The following TNRC6A variants were observed in gnomAD, a reference collection of about 807,000 sequenced individuals.
The protein encoded by TNRC6A is trinucleotide repeat-containing gene 6A protein.
TNRC6A carries 44 observed loss-of-function variants against 221.2 expected under a neutral mutation model. The ratio of observed to expected loss-of-function variants is 0.20; its 90% CI spans 0.16 to 0.26. TNRC6A has a LOEUF of 0.26. Among genes scored for constraint, TNRC6A ranks in the 10% least tolerant of loss-of-function variants. The probability of loss-of-function intolerance (pLI) is 1.00; values close to 1 mark genes in which losing one functional copy is unlikely to be tolerated. For missense variants in TNRC6A, 2,199 were observed against 2,404.4 expected, an observed-to-expected ratio of 0.91 and a Z score of 1.79; for synonymous variants, 847 against 838.5, an observed-to-expected ratio of 1.01 and a Z score of -0.18.
At chr16:24,740,857 G>A (rs2151290213) in intron 2 of TNRC6A, among the ~76,000 whole-genome samples, 1 of 152,222 alleles carries the variant, frequency 6.6e-6, no homozygotes, top group Admixed American at 6.5e-5. Context: ...GTATGCATTT[G>A]ATTATTCTAG....
At chr16:24,703,364 C>T (rs1313689801) in intron 2 of TNRC6A, among the ~76,000 whole-genome samples, 6 of 152,144 alleles carry the variant, frequency 3.9e-5, no homozygotes, top group Admixed American at 2.0e-4. Flanking sequence ...CATGCCATAG[C>T]ATGTGTCAGT....
Position 24,816,835 on chromosome 16 carries a change from A to G in TNRC6A, c.4851A>G (p.Pro1617=). Residue 1617 remains proline (P), a synonymous_variant, in exon 20 of 25, where the codon CCA becomes CCG. Coordinates refer to ENST00000395799, the MANE Select transcript of TNRC6A (RefSeq NM_014494.4). ...NWPPEFRPGE[P]WKGYPNIDPE... Reference sequence around the variant, plus strand: ...TTCCAGAATTTCGTCCTGGTGAGCCATGGAAAGGTTATCCAAACATTGACC... The same window carrying G: ...TTCCAGAATTTCGTCCTGGTGAGCCGTGGAAAGGTTATCCAAACATTGACC... 6.2e-7 allele frequency: 1 copy of G among 1,612,608 alleles called. No homozygotes were observed. Among genetic ancestry groups the G allele is most frequent in the Non-Finnish European group, 8.5e-7 (1 of 1,179,726 alleles).
At chr16:24,655,177 G>A (rs1324108684) in intron 2 of TNRC6A, among the ~76,000 whole-genome samples, 1 of 152,104 alleles carries the variant, frequency 6.6e-6, no homozygotes, top group African/African-American at 2.4e-5. Flanking sequence ...CCAGGAGGTA[G>A]AGGCTATAGT....
intron 2 of TNRC6A, among the ~76,000 whole-genome samples, chr16:24,742,285 G>A (rs1377247693): frequency 6.6e-6 from 1 of 152,170 alleles, no homozygotes; most frequent in Non-Finnish European, 1.5e-5. Context: ...AATTGCTTAA[G>A]GTTACACACG....
chr16:24,781,247 T>C (rs1438112131), intron 5 of TNRC6A, among the ~76,000 whole-genome samples: 3 of 151,778 alleles, frequency 2.0e-5, no homozygotes, highest in African/African-American at 7.3e-5. Context: ...TTTGTAGAGA[T>C]GGGGTTTTGC....
At chr16:24,723,957 C>T (rs1421160179) in intron 2 of TNRC6A, among the ~76,000 whole-genome samples, 2 of 152,166 alleles carry the variant, frequency 1.3e-5, no homozygotes, top group African/African-American at 2.4e-5. Flanking sequence ...CCTAGCTACC[C>T]CACTGCATCT....
chr16:24,757,077 CAAAT>C (rs2057267040), intron 3 of TNRC6A, among the ~76,000 whole-genome samples: 1 of 152,094 alleles, frequency 6.6e-6, no homozygotes, highest in South Asian at 2.1e-4. Flanking sequence ...TTCCCAGAAA[CAAAT>C]GAAGTGTTGT....
intron 6 of TNRC6A, among the ~76,000 whole-genome samples, chr16:24,792,285 T>C (rs759162801): frequency 1.5e-4 from 23 of 152,240 alleles, no homozygotes; most frequent in Non-Finnish European, 2.8e-4. Flanking sequence ...TTTGTGTATT[T>C]AAAACATTTG....
intron 5 of TNRC6A, among the ~76,000 whole-genome samples, chr16:24,779,298 G>T (rs910199159): frequency 2.0e-5 from 3 of 152,192 alleles, no homozygotes; most frequent in Admixed American, 6.5e-5. Context: ...CTGAAGCCTG[G>T]ATTCAATCTC....
intron 2 of TNRC6A, chr16:24,663,861 G>A: frequency 2.2e-6 from 1 of 454,202 alleles, no homozygotes; most frequent in Non-Finnish European, 4.4e-6. Context: ...ACCCGGCATG[G>A]CCCAAGGCCC....
At chr16:24,714,434 G>T (rs989553710) in intron 2 of TNRC6A, among the ~76,000 whole-genome samples, 1 of 144,582 alleles carries the variant, frequency 6.9e-6, no homozygotes, top group South Asian at 2.2e-4. Flanking sequence ...TCAGCCTCCC[G>T]AGTAGCTGGG....
At chr16:24,664,902 G>T in intron 2 of TNRC6A, 1 of 455,802 alleles carries the variant, frequency 2.2e-6, no homozygotes, top group Non-Finnish European at 4.4e-6. Flanking sequence ...CCAGGGTGGT[G>T]GAGAACGGAA....
chr16:24,795,252 G>A lies in TNRC6A; in HGVS notation c.3528+533G>A, dbSNP rs567092918. The stretch of plus-strand genomic sequence containing the variant: ...ATATTCCTAAAGCTGGCTGTACATC[G>A]AAATCCCATGGCATTTGTTAAAAAT... On this transcript the variant is annotated intron_variant, in intron 8 of 24. Coordinates refer to ENST00000395799, the MANE Select transcript of TNRC6A (RefSeq NM_014494.4). Among the ~76,000 whole-genome samples, 79 of 152,216 alleles carry A rather than the reference G, an allele frequency of 5.2e-4. 1 individual carries two copies. The highest frequency in any genetic ancestry group is 8.4e-4 in the Non-Finnish European group (57 of 68,004).
At chr16:24,673,100 G>A (rs181781811) in intron 2 of TNRC6A, among the ~76,000 whole-genome samples, 2,056 of 152,186 alleles carry the variant, frequency 0.014, 19 homozygotes, top group Non-Finnish European at 0.019. Context: ...AGCTACTCAG[G>A]AGGCAGATGT....
chr16:24,726,995 C>G (rs1006764805), upstream of TNRC6A, among the ~76,000 whole-genome samples: 3 of 151,896 alleles, frequency 2.0e-5, no homozygotes, highest in African/African-American at 7.3e-5. Flanking sequence ...GATGTCCAAT[C>G]ACTGTCAACA....
rs1042113561 is a variant in TNRC6A at position 24,729,754 on chromosome 16, G to A, written c.-88G>A. ...TGTAGAAAATGGCGCTGGTGCAGCGGCTCGGGCCTCTCCCCGCGGCGCTGC... is the reference window on the plus strand; with the variant it reads ...TGTAGAAAATGGCGCTGGTGCAGCGACTCGGGCCTCTCCCCGCGGCGCTGC... On this transcript the variant is annotated 5_prime_UTR_variant, in exon 1 of 25. Transcript: ENST00000395799. 2.2e-5 allele frequency: 30 copies of A among 1,334,832 alleles called. No individual in the cohort carries two copies. The highest frequency in any genetic ancestry group is 3.7e-5 in the South Asian group (2 of 53,890). 82.7% of individuals were successfully genotyped at this position (1,334,832 alleles called of 1,614,324 possible).
intron 2 of TNRC6A, among the ~76,000 whole-genome samples, chr16:24,669,037 C>T (rs981918966): frequency 6.6e-6 from 1 of 151,588 alleles, no homozygotes; most frequent in East Asian, 1.9e-4. Flanking sequence ...ACAGTGCGAT[C>T]CAGATTTCTT....
At chr16:24,713,452 AAAAAT>A (rs879579262) in intron 2 of TNRC6A, among the ~76,000 whole-genome samples, 25,316 of 134,672 alleles carry the variant, frequency 0.19, 2,577 homozygotes, top group South Asian at 0.28. Context: ...AAACAAACAA[AAAAAT>A]ATATATATAT....
At chr16:24,624,107 T>C (rs1222130752) in intron 1 of TNRC6A, among the ~76,000 whole-genome samples, 2 of 152,150 alleles carry the variant, frequency 1.3e-5, no homozygotes, top group Non-Finnish European at 2.9e-5. Flanking sequence ...ATCAGCTGGC[T>C]GTTGGCTAGC....
Sources: gnomAD v4.1 joint callset for allele counts (sites outside exome capture counted in the v4.1 genomes callset) on GRCh38, gnomAD v4.1.1 for gene constraint, MANE v1.5 for transcripts, NCBI Gene and HGNC (gene_info 2026-07-23, HGNC 2026-07-21) for gene names.